The following SAMD3 variants were observed in gnomAD, a reference collection of about 807,000 sequenced individuals.
SAMD3 encodes the protein sterile alpha motif domain-containing protein 3.
Under a neutral mutation model 58.5 loss-of-function variants are expected in SAMD3, and 63 were observed. The observed-to-expected ratio is 1.08, with a 90% CI of 0.88 to 1.33. The LOEUF is 1.33. Ranked by LOEUF, SAMD3 falls within the 40% of genes most tolerant of loss-of-function variation. The pLI is 0.00. For synonymous variants in SAMD3, 220 were observed against 210.3 expected (o/e 1.05, Z -0.40); for missense variants, 604 against 608.4 (o/e 0.99, Z 0.08).
At chr6:130,302,551 A>G (rs1775786974) in intron 2 of SAMD3, among the ~76,000 whole-genome samples, 1 of 152,252 alleles carries the variant, frequency 6.6e-6, no homozygotes, top group Admixed American at 6.5e-5. Flanking sequence ...TAGAACTACC[A>G]TTTGACCCAG....
At chr6:130,273,614 A>C (rs1054879030) in intron 2 of SAMD3, among the ~76,000 whole-genome samples, 34 of 135,510 alleles carry the variant, frequency 2.5e-4, no homozygotes, top group African/African-American at 9.2e-4. Flanking sequence ...TTTTTTTTGT[A>C]GATATAGTCT....
intron 5 of SAMD3, among the ~76,000 whole-genome samples, chr6:130,200,531 G>C (rs1343522763): frequency 7.0e-6 from 1 of 142,550 alleles, no homozygotes; most frequent in Admixed American, 7.2e-5. Flanking sequence ...CCAGGGCAAT[G>C]GAGCCAGACT....
intron 2 of SAMD3, among the ~76,000 whole-genome samples, chr6:130,284,465 G>C (rs1229286394): frequency 6.6e-6 from 1 of 151,992 alleles, no homozygotes. Context: ...TCATTTTAAA[G>C]AGAAATCTGA....
chr6:130,198,976 CT>C (rs1794399775), intron 5 of SAMD3, among the ~76,000 whole-genome samples: 1 of 152,146 alleles, frequency 6.6e-6, no homozygotes, highest in African/African-American at 2.4e-5. Context: ...CAAATTGTAC[CT>C]TTCTCCAAGG....
chr6:130,262,304 A>C (rs565944878), intron 2 of SAMD3, among the ~76,000 whole-genome samples: 1 of 150,994 alleles, frequency 6.6e-6, no homozygotes, highest in East Asian at 1.9e-4. Context: ...ACAGAAAAAA[A>C]GTAAGAAAAA....
chr6:130,183,042 A>G (rs746321200), intron 7 of SAMD3: 26 of 269,484 alleles, frequency 9.6e-5, no homozygotes, highest in Non-Finnish European at 1.7e-4. Context: ...AGTGTTGATT[A>G]TATTCACATT....
intron 2 of SAMD3, among the ~76,000 whole-genome samples, chr6:130,303,129 G>A (rs975632278): frequency 6.6e-6 from 1 of 152,106 alleles, no homozygotes; most frequent in African/African-American, 2.4e-5. Context: ...TGCCCTGGGG[G>A]ACTCTACTGA....
chr6:130,349,494 C>T (rs555816778), intron 1 of SAMD3, among the ~76,000 whole-genome samples: 1 of 152,218 alleles, frequency 6.6e-6, no homozygotes, highest in African/African-American at 2.4e-5. Context: ...TGGATAAATT[C>T]CTCATCCCTC....
upstream of SAMD3, among the ~76,000 whole-genome samples, chr6:130,225,166 A>G (rs1796354909): frequency 6.6e-6 from 1 of 152,206 alleles, no homozygotes; most frequent in African/African-American, 2.4e-5. Context: ...AATGTTACTG[A>G]AACACCAGGG....
At chr6:130,246,999 C>T (rs1006427206) in intron 2 of SAMD3, among the ~76,000 whole-genome samples, 4 of 152,062 alleles carry the variant, frequency 2.6e-5, no homozygotes, top group Non-Finnish European at 5.9e-5. Context: ...CTCCTAGAAC[C>T]CAGATTATTA....
intron 5 of SAMD3, among the ~76,000 whole-genome samples, chr6:130,186,603 G>C (rs899732214): frequency 2.0e-5 from 3 of 151,846 alleles, no homozygotes; most frequent in African/African-American, 7.3e-5. Context: ...TATTTATTAG[G>C]GGTCTACTAA....
At chr6:130,193,133 G>A (rs536872309) in intron 5 of SAMD3, among the ~76,000 whole-genome samples, 41 of 152,228 alleles carry the variant, frequency 2.7e-4, no homozygotes, top group Non-Finnish European at 4.3e-4. Flanking sequence ...ACACTACACA[G>A]GGACACCTGC....
chr6:130,291,971 G>A (rs1479863429), intron 2 of SAMD3, among the ~76,000 whole-genome samples: 1 of 152,024 alleles, frequency 6.6e-6, no homozygotes, highest in Non-Finnish European at 1.5e-5. Flanking sequence ...AATTAAAAAG[G>A]AATTAAAAAT....
chr6:130,319,809 T>A (rs1776521681), intron 1 of SAMD3, among the ~76,000 whole-genome samples: 1 of 152,150 alleles, frequency 6.6e-6, no homozygotes. Flanking sequence ...GGTTTTAATG[T>A]GTAAGTTTAA....
chr6:130,166,018 C>T (rs1790708258), intron 8 of SAMD3, among the ~76,000 whole-genome samples: 1 of 152,164 alleles, frequency 6.6e-6, no homozygotes, highest in Non-Finnish European at 1.5e-5. Context: ...ACCAGTCCAT[C>T]TCCATCCAGT....
intron 8 of SAMD3, among the ~76,000 whole-genome samples, chr6:130,159,157 T>A (rs1159874667): frequency 6.6e-6 from 1 of 152,150 alleles, no homozygotes; most frequent in Non-Finnish European, 1.5e-5. Flanking sequence ...GATGATTGAA[T>A]CATGGGGGCA....
chr6:130,245,612 C>T (rs993909631), intron 2 of SAMD3, among the ~76,000 whole-genome samples: 10 of 152,272 alleles, frequency 6.6e-5, no homozygotes, highest in African/African-American at 1.7e-4. Flanking sequence ...CATTGGTGGC[C>T]GCAACACAAT....
chr6:130,208,217 A>G (rs1795242862), intron 5 of SAMD3, among the ~76,000 whole-genome samples: 1 of 152,218 alleles, frequency 6.6e-6, no homozygotes, highest in Admixed American at 6.5e-5. Flanking sequence ...CTATTACCCG[A>G]TTATTCTTTG....
chr6:130,332,574 C>T (rs1227836586), intron 1 of SAMD3, among the ~76,000 whole-genome samples: 3 of 152,078 alleles, frequency 2.0e-5, no homozygotes, highest in African/African-American at 7.2e-5. Flanking sequence ...GCTGACAGCT[C>T]ATGAAAGTAG....
Sources: allele counts gnomAD v4.1 joint callset (sites outside exome capture counted in the v4.1 genomes callset), GRCh38; gene constraint gnomAD v4.1.1; transcripts MANE v1.5; gene names NCBI Gene and HGNC (gene_info 2026-07-23, HGNC 2026-07-21).